The following DLGAP2 variants were observed in gnomAD, a reference collection of about 807,000 sequenced individuals.
DLGAP2 encodes DLG associated protein 2.
Under a neutral mutation model 100.3 loss-of-function variants are expected in DLGAP2, and 26 were observed. The ratio of observed to expected loss-of-function variants is 0.26; its 90% CI spans 0.19 to 0.36. The LOEUF is 0.36. DLGAP2 is among the 10% of genes least tolerant of loss of function. The pLI, the probability that DLGAP2 is intolerant of heterozygous loss-of-function variation, is 1.00. For missense variants in DLGAP2, 1,858 were observed against 1,453.2 expected, an observed-to-expected ratio of 1.28 and a Z score of -4.53; for synonymous variants, 886 against 630.1, an observed-to-expected ratio of 1.41 and a Z score of -6.08.
chr8:1,668,794 C>T (rs1798614488), intron 9 of DLGAP2, 116 bp downstream of exon 9: 1 of 986,960 alleles, frequency 1.0e-6, no homozygotes, highest in Non-Finnish European at 1.4e-6. Context: ...GTAACCCCAG[C>T]AGGGCTGTGG....
intron 2 of DLGAP2, among the ~76,000 whole-genome samples, chr8:1,070,210 C>T (rs887270087): frequency 6.6e-6 from 1 of 152,098 alleles, no homozygotes; most frequent in Non-Finnish European, 1.5e-5. Flanking sequence ...TTCTTGCCTC[C>T]TTTCCTGAGT....
intron 2 of DLGAP2, among the ~76,000 whole-genome samples, chr8:1,166,559 T>C (rs956656770): frequency 6.6e-6 from 1 of 152,222 alleles, no homozygotes; most frequent in East Asian, 1.9e-4. Context: ...AGAACATTCA[T>C]GAGAAATATC....
chr8:1,324,978 T>C (rs144571553), intron 3 of DLGAP2, among the ~76,000 whole-genome samples: 1 of 152,254 alleles, frequency 6.6e-6, no homozygotes, highest in African/African-American at 2.4e-5. Flanking sequence ...AATTACGGAT[T>C]CACAAATATC....
intron 2 of DLGAP2, among the ~76,000 whole-genome samples, chr8:1,093,558 C>G (rs1369119953): frequency 2.6e-5 from 4 of 152,058 alleles, no homozygotes; most frequent in Non-Finnish European, 4.4e-5. Flanking sequence ...GACAGAAACA[C>G]CCTCACACCG....
chr8:1,047,033 A>G (rs1190310770), intron 2 of DLGAP2, among the ~76,000 whole-genome samples: 1 of 152,138 alleles, frequency 6.6e-6, no homozygotes, highest in Non-Finnish European at 1.5e-5. Context: ...TCTAGTAAAC[A>G]TTCAGTGGTT....
In DLGAP2 at chr8:1,550,969, C is replaced by G. The variant is rs555781243; in HGVS notation, c.1230+1286C>G. Among the ~76,000 whole-genome samples the G allele has an allele frequency of 2.6e-5, 4 of 152,350 alleles. No individual in the cohort carries two copies. In the East Asian group the frequency reaches 5.8e-4, roughly 22 times the overall value. ...GAGTAATGGGCCATTGCTGGCTGAG[C>G]CAACAGGCAGTCAACTAATGGGACA... is the stretch of plus-strand genomic sequence containing the variant. On this transcript the variant is annotated intron_variant, in intron 5 of 14. Coordinates refer to ENST00000637795, the MANE Select transcript of DLGAP2 (RefSeq NM_001346810.2).
intron 1 of DLGAP2, among the ~76,000 whole-genome samples, chr8:777,233 C>T (rs1168293228): frequency 1.3e-5 from 2 of 150,888 alleles, no homozygotes; most frequent in Non-Finnish European, 3.0e-5. Flanking sequence ...TTATTTTGAG[C>T]CTATGTGTGT....
At chr8:1,421,932 C>G (rs902412844) in intron 3 of DLGAP2, among the ~76,000 whole-genome samples, 1 of 152,116 alleles carries the variant, frequency 6.6e-6, no homozygotes, top group Admixed American at 6.5e-5. Flanking sequence ...TGCCATTGCA[C>G]TCTAGCCTGG....
chr8:893,011 C>G (rs866152719), intron 1 of DLGAP2: 6 of 151,916 alleles, frequency 3.9e-5, no homozygotes, highest in Admixed American at 6.5e-5. Flanking sequence ...GGATCAAGCT[C>G]TGGACTCACA....
In DLGAP2 at chr8:946,526, G is replaced by A. The variant is rs563572092; in HGVS notation, c.73+38560G>A. On this transcript the variant is annotated intron_variant, in intron 2 of 14. Transcript: ENST00000637795. ...GATCTGCCCGCCTTGGCCTCCCAAA[G>A]TGCTGGGATTACAGGCGTGAGCCAC... Among the ~76,000 whole-genome samples the A allele has an allele frequency of 7.9e-5, 12 of 152,150 alleles. 1 individual carries two copies. The South Asian group carries it at 2.5e-3, about 32-fold the overall frequency.
intron 2 of DLGAP2, among the ~76,000 whole-genome samples, chr8:916,025 C>G (rs770062352): frequency 1.3e-5 from 2 of 150,892 alleles, no homozygotes; most frequent in Non-Finnish European, 2.9e-5. Context: ...GAGTCCTCCT[C>G]ATTGTAGACT....
intron 10 of DLGAP2, among the ~76,000 whole-genome samples, chr8:1,670,169 G>C (rs1045646969): frequency 6.6e-6 from 1 of 152,316 alleles, no homozygotes; most frequent in African/African-American, 2.4e-5. Context: ...GTGCCCTCCA[G>C]GATATCCACC....
intron 2 of DLGAP2, among the ~76,000 whole-genome samples, chr8:1,022,953 G>C (rs1200436976): frequency 6.6e-6 from 1 of 152,236 alleles, no homozygotes; most frequent in African/African-American, 2.4e-5. Flanking sequence ...GAATCTTAGA[G>C]GCTGTCATGT....
At chr8:1,226,724 G>A (rs1217971488) in intron 2 of DLGAP2, among the ~76,000 whole-genome samples, 8 of 152,126 alleles carry the variant, frequency 5.3e-5, no homozygotes, top group African/African-American at 4.8e-5. Flanking sequence ...GATTAGTGAT[G>A]TTGAGCGCTT....
intron 2 of DLGAP2, among the ~76,000 whole-genome samples, chr8:1,174,891 A>G (rs755313827): frequency 1.3e-5 from 2 of 152,162 alleles, no homozygotes; most frequent in Non-Finnish European, 2.9e-5. Context: ...AGAAGGTGAG[A>G]CAGGCAGGAG....
intron 1 of DLGAP2, among the ~76,000 whole-genome samples, chr8:745,649 T>C (rs765915608): frequency 6.6e-6 from 1 of 152,226 alleles, no homozygotes; most frequent in Non-Finnish European, 1.5e-5. Flanking sequence ...CCCTCCAGTT[T>C]TGTTTCATAG....
chr8:1,085,511 A>G (rs910332105), intron 2 of DLGAP2, among the ~76,000 whole-genome samples: 7 of 152,126 alleles, frequency 4.6e-5, no homozygotes, highest in African/African-American at 1.7e-4. Flanking sequence ...TAAATCTTTG[A>G]TTATTATTAA....
intron 2 of DLGAP2, among the ~76,000 whole-genome samples, chr8:1,053,405 T>A (rs552099321): frequency 6.6e-6 from 1 of 152,148 alleles, no homozygotes; most frequent in South Asian, 2.1e-4. Context: ...GGGAAGGAGC[T>A]TGTGCAAGCT....
At chr8:1,017,839 C>T (rs1477181046) in intron 2 of DLGAP2, among the ~76,000 whole-genome samples, 1 of 152,232 alleles carries the variant, frequency 6.6e-6, no homozygotes, top group Non-Finnish European at 1.5e-5. Context: ...CCCAGGCCTC[C>T]AGCTGCTTTA....
Sources: allele counts gnomAD v4.1 joint callset (sites outside exome capture counted in the v4.1 genomes callset), GRCh38; gene constraint gnomAD v4.1.1; transcripts MANE v1.5; gene names NCBI Gene and HGNC (gene_info 2026-07-23, HGNC 2026-07-21).